Variants in ADARB2 observed in about 807,000 individuals in gnomAD.
ADARB2 encodes adenosine deaminase RNA specific B2 (inactive).
ADARB2 carries 25 observed loss-of-function variants against 62.2 expected under a neutral mutation model. That is an observed-to-expected ratio of 0.40 (90% CI 0.29 to 0.56). ADARB2 has a LOEUF of 0.56. Among genes scored for constraint, ADARB2 ranks in the 20% least tolerant of loss-of-function variants. ADARB2 has a pLI of 0.43. For synonymous variants in ADARB2, 572 were observed against 500.8 expected (o/e 1.14, Z -1.90); for missense variants, 1,071 against 1,077.4 (o/e 0.99, Z 0.08).
At chr10:1,463,246 C>T (rs886430576) in intron 1 of ADARB2, among the ~76,000 whole-genome samples, 2 of 152,186 alleles carry the variant, frequency 1.3e-5, no homozygotes, top group African/African-American at 4.8e-5. Flanking sequence ...AGTGTTTCCT[C>T]TCTGGGGCGT....
intron 3 of ADARB2, among the ~76,000 whole-genome samples, chr10:1,327,241 A>G (rs796950463): frequency 0.027 from 773 of 28,452 alleles, 55 homozygotes; most frequent in African/African-American, 0.067. Flanking sequence ...ACGGCACAGC[A>G]CCTCCTCACT....
At chr10:1,459,520 T>C (rs1398840939) in intron 1 of ADARB2, among the ~76,000 whole-genome samples, 1 of 9,224 alleles carries the variant, frequency 1.1e-4, no homozygotes, top group South Asian at 0.011. Flanking sequence ...CTCAGCATTT[T>C]GGGAGGCCAA....
chr10:1,536,759 C>T (rs1442523344), intron 1 of ADARB2, among the ~76,000 whole-genome samples: 2 of 152,102 alleles, frequency 1.3e-5, no homozygotes. Flanking sequence ...TGGCCAGCCG[C>T]AAGCAGAAAA....
chr10:1,228,064 A>G (rs1386264665), intron 6 of ADARB2, among the ~76,000 whole-genome samples: 7 of 152,230 alleles, frequency 4.6e-5, no homozygotes, highest in Non-Finnish European at 1.5e-5. Flanking sequence ...AATTTAAGGA[A>G]CTGTATTTTA....
At chr10:1,289,174 GATCATA>G (rs1831441175) in intron 3 of ADARB2, among the ~76,000 whole-genome samples, 1 of 152,148 alleles carries the variant, frequency 6.6e-6, no homozygotes, top group African/African-American at 2.4e-5. Context: ...CCTTTCTACT[GATCATA>G]ACTCTTTCAA....
intron 3 of ADARB2, among the ~76,000 whole-genome samples, chr10:1,315,409 C>A (rs1564255021): frequency 6.6e-6 from 1 of 152,264 alleles, no homozygotes; most frequent in Non-Finnish European, 1.5e-5. Flanking sequence ...TTTGGCATGG[C>A]TGATGTTTCC....
intron 1 of ADARB2, among the ~76,000 whole-genome samples, chr10:1,452,018 C>T (rs1022150889): frequency 3.7e-4 from 56 of 152,160 alleles, no homozygotes; most frequent in African/African-American, 1.3e-3. Flanking sequence ...ACCTAGGAAT[C>T]ACGGATGTGG....
chr10:1,668,288 A>G (rs74621301), intron 1 of ADARB2, among the ~76,000 whole-genome samples: 2,545 of 152,216 alleles, frequency 0.017, 46 homozygotes, highest in East Asian at 0.069. Context: ...ATGTGTTACA[A>G]CTCATTAGAA....
At chr10:1,231,410 C>T (rs1378891093) in intron 6 of ADARB2, among the ~76,000 whole-genome samples, 2 of 152,188 alleles carry the variant, frequency 1.3e-5, no homozygotes, top group Non-Finnish European at 2.9e-5. Context: ...TCATGTAGCT[C>T]TGGCTTGCTG....
chr10:1,202,421 C>T (rs556861276), intron 7 of ADARB2, among the ~76,000 whole-genome samples: 28 of 152,296 alleles, frequency 1.8e-4, no homozygotes, highest in African/African-American at 6.7e-4. Flanking sequence ...TCAAGCCATC[C>T]ACTGAACTTG....
intron 1 of ADARB2, among the ~76,000 whole-genome samples, chr10:1,510,110 C>CTCTCTTTCTTTCTTTCTTTCTT (rs1554767637): frequency 3.8e-5 from 4 of 106,184 alleles, no homozygotes; most frequent in Non-Finnish European, 7.6e-5. Context: ...CTTTCTTTCT[C>CTCTCTTTCTTTCTTTCTTTCTT]TCTTTCTTTC....
chr10:1,718,077 A>G (rs1835044272), intron 1 of ADARB2, among the ~76,000 whole-genome samples: 2 of 152,062 alleles, frequency 1.3e-5, no homozygotes, highest in African/African-American at 4.8e-5. Flanking sequence ...GGAGGGAAGG[A>G]GGGAGGGAGG....
At chr10:1,425,837 T>A (rs925043152) in intron 1 of ADARB2, among the ~76,000 whole-genome samples, 3 of 152,244 alleles carry the variant, frequency 2.0e-5, no homozygotes, top group Non-Finnish European at 4.4e-5. Context: ...GAAGCATGCA[T>A]GCTGGAATAG....
At chr10:1,186,054 C>T (rs558445481) in intron 8 of ADARB2, among the ~76,000 whole-genome samples, 88 of 152,306 alleles carry the variant, frequency 5.8e-4, no homozygotes, top group Non-Finnish European at 1.0e-3. Context: ...TGCCCTGTGA[C>T]GGCCTGAGGA....
At chr10:1,565,469 T>C (rs1832848567) in intron 1 of ADARB2, among the ~76,000 whole-genome samples, 1 of 152,150 alleles carries the variant, frequency 6.6e-6, no homozygotes, top group Admixed American at 6.5e-5. Flanking sequence ...TACTTGGAAT[T>C]TCTGAAATGG....
chr10:1,459,769 A>G (rs1831144104), intron 1 of ADARB2, among the ~76,000 whole-genome samples: 1 of 152,232 alleles, frequency 6.6e-6, no homozygotes, highest in East Asian at 1.9e-4. Flanking sequence ...CTCAAAAAAA[A>G]AGAATGATGA....
At chr10:1,265,752 G>T (rs1831191329) in intron 4 of ADARB2, among the ~76,000 whole-genome samples, 1 of 147,882 alleles carries the variant, frequency 6.8e-6, no homozygotes, top group Non-Finnish European at 1.5e-5. Context: ...TGAGAGGGGG[G>T]CCCAGGCTCT....
intron 6 of ADARB2, among the ~76,000 whole-genome samples, chr10:1,218,299 C>T (rs1313685987): frequency 1.3e-5 from 2 of 152,154 alleles, no homozygotes; most frequent in South Asian, 2.1e-4. Context: ...GATCCGCCCA[C>T]CTCCGCCTCC....
At chr10:1,521,055 G>T (rs1195936553) in intron 1 of ADARB2, among the ~76,000 whole-genome samples, 1 of 152,174 alleles carries the variant, frequency 6.6e-6, no homozygotes, top group African/African-American at 2.4e-5. Flanking sequence ...ACTTGGAATA[G>T]ACCCTGAGGC....
Sources: allele counts gnomAD v4.1 joint callset (sites outside exome capture counted in the v4.1 genomes callset), GRCh38; gene constraint gnomAD v4.1.1; transcripts MANE v1.5; gene names NCBI Gene and HGNC (gene_info 2026-07-23, HGNC 2026-07-21).